Variants in POLR1C observed in about 807,000 individuals in gnomAD.
POLR1C encodes the protein DNA-directed RNA polymerases I and III subunit RPAC1.
POLR1C carries 42 observed loss-of-function variants against 38.3 expected under a neutral mutation model. That is an observed-to-expected ratio of 1.10 (90% confidence interval 0.86 to 1.42). POLR1C has a LOEUF of 1.42. Among genes scored for constraint, POLR1C ranks in the 40% most tolerant of loss-of-function variants. The pLI is 0.00. For synonymous variants in POLR1C, 163 were observed against 163.9 expected, an observed-to-expected ratio of 0.99 and a Z score of 0.04; for missense variants, 507 against 450.5, an observed-to-expected ratio of 1.13 and a Z score of -1.14.
chr6:43,521,864 T>C (rs2127693190), downstream of POLR1C, among the ~76,000 whole-genome samples: 1 of 152,266 alleles, frequency 6.6e-6, no homozygotes, highest in East Asian at 1.9e-4. Flanking sequence ...GTTTAGCATT[T>C]ACCAATTAAG....
chr6:43,544,427 A>C (rs1561873879), intron 9 of POLR1C, among the ~76,000 whole-genome samples: 2 of 152,190 alleles, frequency 1.3e-5, no homozygotes, highest in African/African-American at 4.8e-5. Context: ...TTTTTAAAAA[A>C]AGAAAATTAT....
exon 11 of POLR1C, chr6:43,562,039 A>AT: frequency 2.4e-6 from 1 of 424,000 alleles, no homozygotes; most frequent in South Asian, 5.2e-5. Context: ...TGACGTTGGT[A>AT]TAACTATTTT....
chr6:43,521,531 T>C, downstream of POLR1C: 2 of 1,223,866 alleles, frequency 1.6e-6, no homozygotes, highest in Non-Finnish European at 2.1e-6. Flanking sequence ...AGACTACTTT[T>C]GAGTTTGTTT....
At chr6:43,538,587 A>G (rs1027921639) in intron 9 of POLR1C, among the ~76,000 whole-genome samples, 5 of 152,186 alleles carry the variant, frequency 3.3e-5, no homozygotes, top group Non-Finnish European at 7.3e-5. Flanking sequence ...GAGATATAAC[A>G]ATGGAAATGT....
chr6:43,547,828 G>GTT (rs1175764657), intron 9 of POLR1C: 2 of 713,026 alleles, frequency 2.8e-6, no homozygotes, highest in African/African-American at 3.5e-5. Flanking sequence ...AGTGAGAGGA[G>GTT]TATAATCATA....
chr6:43,536,993 G>T (rs1247237698), intron 9 of POLR1C, among the ~76,000 whole-genome samples: 3 of 151,946 alleles, frequency 2.0e-5, no homozygotes, highest in Non-Finnish European at 2.9e-5. Context: ...AAGAGACAGG[G>T]TCTCACTCTA....
At chr6:43,540,653 C>CA (rs1229580044) in intron 9 of POLR1C, among the ~76,000 whole-genome samples, 2 of 151,692 alleles carry the variant, frequency 1.3e-5, no homozygotes, top group South Asian at 2.1e-4. Context: ...CACTCCGTTT[C>CA]AAAAAAAATA....
Position 43,520,363 on chromosome 6 carries a change from C to CCTCATCGCTCAG in POLR1C, c.594_605dup (p.Ile199_Leu202dup). On this transcript the variant is annotated inframe_insertion, in exon 6 of 9. Coordinates refer to ENST00000642195, the MANE Select transcript of POLR1C (RefSeq NM_203290.4). ...CTATCCGACCAGTGCATGATGATAT[C>CCTCATCGCTCAG]CTCATCGCTCAGCTGCGGCCTGGCC... 1 of 1,613,826 alleles carries CCTCATCGCTCAG rather than the reference C, an allele frequency of 6.2e-7. No individual in the cohort carries two copies. Among genetic ancestry groups the CCTCATCGCTCAG allele is most frequent in the South Asian group, 1.1e-5 (1 of 91,080 alleles).
At chr6:43,520,252 C>A (rs769498204) in intron 5 of POLR1C, 23 bp from the exon 6 acceptor site, 1 of 1,613,556 alleles carries the variant, frequency 6.2e-7, no homozygotes, top group Non-Finnish European at 8.5e-7. Context: ...GGACTGAGAT[C>A]TTCTGACATG....
chr6:43,560,104 C>G (rs1379280208), intron 10 of POLR1C: 11 of 1,524,728 alleles, frequency 7.2e-6, no homozygotes, highest in Non-Finnish European at 8.9e-6. Context: ...TAGGCGTGAG[C>G]CACCGCACCC....
chr6:43,549,511 C>T (rs771045748), intron 9 of POLR1C: 9 of 1,612,868 alleles, frequency 5.6e-6, no homozygotes, highest in South Asian at 2.2e-5. Context: ...GGGGTAGTCA[C>T]GACACATCTT....
intron 9 of POLR1C, chr6:43,539,157 T>C (rs1196423249): frequency 3.6e-6 from 4 of 1,108,280 alleles, no homozygotes; most frequent in Non-Finnish European, 5.3e-6. Flanking sequence ...CCTGTCACCT[T>C]GCAGGGGACG....
intron 9 of POLR1C, chr6:43,550,841 G>A (rs1471327830): frequency 6.6e-6 from 1 of 152,434 alleles, no homozygotes; most frequent in Non-Finnish European, 1.5e-5. Flanking sequence ...TGGAAACCTG[G>A]AAAGTGTTCC....
intron 10 of POLR1C, among the ~76,000 whole-genome samples, chr6:43,554,606 T>C (rs987250789): frequency 9.9e-5 from 15 of 151,852 alleles, no homozygotes; most frequent in African/African-American, 3.6e-4. Context: ...TTGTTTTTAG[T>C]AGAGACAGGG....
chr6:43,537,324 C>T (rs927187767), intron 9 of POLR1C, among the ~76,000 whole-genome samples: 9 of 152,066 alleles, frequency 5.9e-5, no homozygotes, highest in Admixed American at 1.3e-4. Flanking sequence ...TAATACATAC[C>T]TGGGAGTCTT....
exon 9 of POLR1C, chr6:43,529,553 CAA>C (rs1186641934): frequency 2.1e-3 from 215 of 101,552 alleles, no homozygotes; most frequent in South Asian, 9.4e-3. Context: ...GACTCCGTCT[CAA>C]AAAAAAAAAA....
At chr6:43,530,591 C>T, downstream of POLR1C, 1 of 1,398,352 alleles carries the variant, frequency 7.2e-7, no homozygotes, top group South Asian at 1.4e-5. Context: ...TCTCTTCCTT[C>T]CAGTTCTGCC....
downstream of POLR1C, chr6:43,530,754 G>C: frequency 6.2e-7 from 1 of 1,613,954 alleles, no homozygotes; most frequent in Non-Finnish European, 8.5e-7. Context: ...CTGAGAAGCT[G>C]GGTAGCAAGG....
intron 4 of POLR1C, 66 bp downstream of exon 4, chr6:43,519,904 G>T: frequency 6.4e-7 from 1 of 1,568,378 alleles, no homozygotes; most frequent in South Asian, 1.1e-5. Flanking sequence ...CTGTGATGTT[G>T]GGTAAGTTAC....
Sources: allele counts gnomAD v4.1 joint callset (sites outside exome capture counted in the v4.1 genomes callset), GRCh38; gene constraint gnomAD v4.1.1; transcripts MANE v1.5; gene names NCBI Gene and HGNC (gene_info 2026-07-23, HGNC 2026-07-21).